PRIM2: variants seen among roughly 807,000 people sequenced by gnomAD.
PRIM2 encodes DNA primase large subunit.
PRIM2 carries 39 observed loss-of-function variants against 67.3 expected under a neutral mutation model. That is an observed-to-expected ratio of 0.58 (90% CI 0.45 to 0.76). PRIM2 has a LOEUF of 0.76. Among genes scored for constraint, PRIM2 ranks in the 30% least tolerant of loss-of-function variants. The pLI is 0.00. For synonymous variants in PRIM2, 143 were observed against 198.7 expected (o/e 0.72, Z 2.36); for missense variants, 398 against 598.7 (o/e 0.66, Z 3.50).
chr6:57,497,257 C>T (rs1474711985), intron 7 of PRIM2, among the ~76,000 whole-genome samples: 103 of 152,204 alleles, frequency 6.8e-4, no homozygotes, highest in African/African-American at 2.4e-3. Context: ...TTTGGCTGAA[C>T]AGTTTGAGAG....
the PRIM2 span, among the ~76,000 whole-genome samples, chr6:57,265,448 G>A: frequency 1.3e-5 from 2 of 152,144 alleles, no homozygotes; most frequent in Admixed American, 6.5e-5. Context: ...AGCTTGCCAC[G>A]TTGGTATGTG....
intron 10 of PRIM2, among the ~76,000 whole-genome samples, chr6:57,552,116 G>A (rs1354439748): frequency 4.9e-4 from 75 of 152,236 alleles, no homozygotes; most frequent in African/African-American, 1.8e-3. Flanking sequence ...CAGTGGGTTC[G>A]GGGAAGACCA....
chr6:57,249,325 G>A, the PRIM2 span, among the ~76,000 whole-genome samples: 1 of 152,086 alleles, frequency 6.6e-6, no homozygotes, highest in African/African-American at 2.4e-5. Context: ...TTTTCTAGTA[G>A]GATTACTTGT....
intron 8 of PRIM2, among the ~76,000 whole-genome samples, chr6:57,526,135 A>G (rs1443273603): frequency 1.3e-5 from 2 of 152,150 alleles, no homozygotes; most frequent in East Asian, 1.9e-4. Context: ...TTGCTGTTAC[A>G]GTGCAGTAAT....
At chr6:57,598,690 C>G (rs1174825519) in intron 10 of PRIM2, among the ~76,000 whole-genome samples, 1 of 151,676 alleles carries the variant, frequency 6.6e-6, no homozygotes, top group Non-Finnish European at 1.5e-5. Context: ...AGTTTGAGAC[C>G]AGCCTGGGCA....
Position 57,414,018 on chromosome 6 carries a change from C to CT in PRIM2, c.693+31851dup, listed in dbSNP as rs530274519. Among the ~76,000 whole-genome samples, 436 of 152,214 alleles carry CT rather than the reference C, an allele frequency of 2.9e-3. 2 individuals are homozygous for CT. Among genetic ancestry groups the CT allele is most frequent in the African/African-American group, 0.01 (419 of 41,552 alleles). ...GTAAAGTTAGGGGTACTTGCTATGA[C>CT]TACATTGATGTGGACTAGGCAGAAT... On this transcript the variant is annotated intron_variant, in intron 7 of 13. Coordinates refer to ENST00000615550, the MANE Select transcript of PRIM2 (RefSeq NM_000947.5).
intron 10 of PRIM2, among the ~76,000 whole-genome samples, chr6:57,580,332 G>A (rs1776058465): frequency 6.6e-6 from 1 of 152,128 alleles, no homozygotes; most frequent in Non-Finnish European, 1.5e-5. Flanking sequence ...GTAGTGTAGG[G>A]GAGAAAAGAT....
At chr6:57,464,275 T>G (rs1773110609) in intron 7 of PRIM2, among the ~76,000 whole-genome samples, 1 of 152,130 alleles carries the variant, frequency 6.6e-6, no homozygotes, top group Non-Finnish European at 1.5e-5. Flanking sequence ...GTATTTCTTT[T>G]TTTCCTTTTC....
chr6:57,509,306 A>G (rs1158816105), intron 8 of PRIM2, among the ~76,000 whole-genome samples: 1 of 152,146 alleles, frequency 6.6e-6, no homozygotes, highest in Non-Finnish European at 1.5e-5. Flanking sequence ...ACATTTATAC[A>G]TGATTGTTAA....
chr6:57,358,164 G>A (rs1008339413), intron 5 of PRIM2, among the ~76,000 whole-genome samples: 10 of 152,346 alleles, frequency 6.6e-5, no homozygotes, highest in African/African-American at 2.4e-4. Flanking sequence ...ATTCTCAGTT[G>A]TTTGTTCTTA....
intron 5 of PRIM2, among the ~76,000 whole-genome samples, chr6:57,329,636 G>C (rs1006268300): frequency 6.6e-6 from 1 of 151,956 alleles, no homozygotes; most frequent in Admixed American, 6.6e-5. Context: ...CCCTTTGCTT[G>C]GTTCTCATTC....
At chr6:57,627,678 T>G (rs1357443554) in intron 12 of PRIM2, among the ~76,000 whole-genome samples, 1 of 152,146 alleles carries the variant, frequency 6.6e-6, no homozygotes, top group African/African-American at 2.4e-5. Flanking sequence ...TGAGCCACCG[T>G]GCCCGTCCAC....
chr6:57,321,171 G>A (rs1767642679), intron 3 of PRIM2, among the ~76,000 whole-genome samples: 1 of 152,178 alleles, frequency 6.6e-6, no homozygotes, highest in Non-Finnish European at 1.5e-5. Flanking sequence ...TAAGAAGGTA[G>A]AATCAAAAGG....
chr6:57,380,188 T>G (rs908259032), intron 6 of PRIM2, among the ~76,000 whole-genome samples, 192 bp downstream of exon 6: 3 of 152,186 alleles, frequency 2.0e-5, no homozygotes, highest in African/African-American at 7.2e-5. Flanking sequence ...CACGGACGCA[T>G]TCCCAACCCT....
At chr6:57,546,645 T>TCCC (rs1775295299) in intron 10 of PRIM2, among the ~76,000 whole-genome samples, 7 of 152,144 alleles carry the variant, frequency 4.6e-5, no homozygotes. Context: ...TTGTTGTGGT[T>TCCC]TTGACTGTTG....
intron 9 of PRIM2, among the ~76,000 whole-genome samples, chr6:57,534,691 T>C (rs1262898412): frequency 1.3e-5 from 2 of 152,194 alleles, no homozygotes; most frequent in East Asian, 1.9e-4. Context: ...TCCAAACTCA[T>C]GTTGTGGCCT....
intron 7 of PRIM2, among the ~76,000 whole-genome samples, chr6:57,426,849 G>A (rs6929512): frequency 5.3e-5 from 8 of 152,118 alleles, no homozygotes; most frequent in East Asian, 3.8e-4. Context: ...ACAATTTTCC[G>A]AAATTTTGAT....
chr6:57,490,121 T>G (rs1554345843), intron 7 of PRIM2, among the ~76,000 whole-genome samples: 14,066 of 152,134 alleles, frequency 0.092, 717 homozygotes, highest in East Asian at 0.2. Context: ...GGGCACTGAC[T>G]CCTCCTGGAG....
chr6:57,397,995 C>T (rs1378845472), intron 7 of PRIM2, among the ~76,000 whole-genome samples: 1 of 138,790 alleles, frequency 7.2e-6, no homozygotes, highest in African/African-American at 2.8e-5. Flanking sequence ...GAGTCTTGCT[C>T]TTGTTCCAGG....
Sources: allele counts gnomAD v4.1 joint callset (sites outside exome capture counted in the v4.1 genomes callset), GRCh38; gene constraint gnomAD v4.1.1; transcripts MANE v1.5; gene names NCBI Gene and HGNC (gene_info 2026-07-23, HGNC 2026-07-21).